WNK1: variants seen among roughly 807,000 people sequenced by gnomAD.
WNK1 encodes the protein WNK lysine deficient protein kinase 1.
Under a neutral mutation model 222.8 loss-of-function variants are expected in WNK1, and 38 were observed. The observed-to-expected ratio is 0.17, with a 90% CI of 0.13 to 0.22. The LOEUF is 0.22. Among genes scored for constraint, WNK1 ranks in the 10% least tolerant of loss-of-function variants. The pLI, the probability that WNK1 is intolerant of heterozygous loss-of-function variation, is 1.00. For missense variants in WNK1, 2,348 were observed against 2,918.4 expected, an observed-to-expected ratio of 0.80 and a Z score of 4.50; for synonymous variants, 1,090 against 1,092.9, an observed-to-expected ratio of 1.00 and a Z score of 0.05.
chr12:907,774 C>G (rs568136518), intron 26 of WNK1, 73 bp from the exon 27 acceptor site: 20 of 1,548,898 alleles, frequency 1.3e-5, no homozygotes, highest in Non-Finnish European at 1.7e-5. Flanking sequence ...TTCATCATCC[C>G]GTGAAGTTTT....
chr12:898,765 A>G (rs1419609535), intron 25 of WNK1, among the ~76,000 whole-genome samples: 2 of 151,072 alleles, frequency 1.3e-5, no homozygotes, highest in Non-Finnish European at 3.0e-5. Flanking sequence ...TTTGAGACAG[A>G]ATCCCGCTCT....
intron 8 of WNK1, among the ~76,000 whole-genome samples, chr12:867,177 A>G (rs1371358702): frequency 1.3e-5 from 2 of 152,174 alleles, no homozygotes; most frequent in African/African-American, 2.4e-5. Flanking sequence ...GATCAGAAAA[A>G]TGGACATTTT....
Position 857,223 on chromosome 12 carries a change from A to T in WNK1, c.1374A>T (p.Gly458=), listed in dbSNP as rs780465028. The T allele has an allele frequency of 1.9e-6, 3 of 1,614,214 alleles. No individual in the cohort carries two copies. In the South Asian group the frequency reaches 3.3e-5, roughly 18 times the overall value. The change falls in exon 5 of 28, where the codon GGA becomes GGT. Residue 458 remains glycine, a synonymous_variant. Coordinates refer to ENST00000315939, the MANE Select transcript of WNK1 (RefSeq NM_018979.4). ...AIPEVKEIIE[G]CIRQNKDERY... ...CTGAAGTGAAGGAAATTATTGAAGG[A>T]TGCATACGACAAAACAAAGATGAAA...
chr12:772,088 T>C (rs575769073), intron 1 of WNK1, among the ~76,000 whole-genome samples: 1 of 152,216 alleles, frequency 6.6e-6, no homozygotes, highest in East Asian at 1.9e-4. Flanking sequence ...ATTGTAACCA[T>C]CCTTAATTCA....
intron 1 of WNK1, among the ~76,000 whole-genome samples, chr12:776,408 GTGTT>G (rs1477831038): frequency 2.0e-5 from 2 of 98,144 alleles, no homozygotes; most frequent in African/African-American, 9.2e-5. Context: ...GTGTGTTTGT[GTGTT>G]TGTGTGTGTG....
At chr12:776,575 T>C (rs1199285877) in intron 1 of WNK1, among the ~76,000 whole-genome samples, 1 of 151,764 alleles carries the variant, frequency 6.6e-6, no homozygotes, top group Non-Finnish European at 1.5e-5. Flanking sequence ...GGACTACAGG[T>C]GCGTGCCACC....
chr12:860,924 T>A lies in WNK1; in HGVS notation c.1621-89T>A, dbSNP rs541241333. 3.2e-6 allele frequency: 4 copies of A among 1,232,006 alleles called. No individual in the cohort carries two copies. In the East Asian group the frequency reaches 9.7e-5, roughly 30 times the overall value. 76.3% of individuals were successfully genotyped at this position (1,232,006 alleles called of 1,614,324 possible). On this transcript the variant is annotated intron_variant, in intron 6 of 27. Coordinates refer to ENST00000315939, the MANE Select transcript of WNK1 (RefSeq NM_018979.4). ...CTCCTCTTCTCTACTTTTTTTACAA[T>A]GCCTTTTTTTTTTTTGGCGGGGGGT...
chr12:808,121 C>T (rs1307673454), intron 1 of WNK1, among the ~76,000 whole-genome samples: 4 of 148,140 alleles, frequency 2.7e-5, no homozygotes, highest in Non-Finnish European at 4.5e-5. Context: ...CCTGCAAGAC[C>T]TCACCTATAG....
At chr12:757,353 G>GGT (rs1565383276) in intron 1 of WNK1, among the ~76,000 whole-genome samples, 1 of 125,734 alleles carries the variant, frequency 8.0e-6, no homozygotes, top group South Asian at 2.6e-4. Context: ...AAGAGACGGA[G>GGT]TCTTGCTCTA....
chr12:894,189 G>T (rs1479713859), intron 22 of WNK1, among the ~76,000 whole-genome samples: 1 of 152,184 alleles, frequency 6.6e-6, no homozygotes, highest in Non-Finnish European at 1.5e-5. Flanking sequence ...CTGCACTCCA[G>T]CCTGGCCAAC....
In WNK1 at chr12:827,520, TTTG is replaced by T. The variant is rs67260587; in HGVS notation, c.1153+283_1153+285del. ...GATAAAACCTAATGTAATAGCCTTT[TTTG>T]TTGTTGTTGTTGTTGTTGTTGTTGA... On this transcript the variant is annotated intron_variant, in intron 3 of 27. Transcript: ENST00000315939. This position sits in a 1 kb window ranked among gnomAD's most constrained non-coding sequence, Gnocchi z 4.6. 0.66 allele frequency: 312,202 copies of T among 470,538 alleles called. 105,718 individuals are homozygous for T. Among genetic ancestry groups the T allele is most frequent in the East Asian group, 0.84 (23,211 of 27,616 alleles). 29.1% of individuals were successfully genotyped at this position (470,538 alleles called of 1,614,324 possible).
intron 2 of WNK1, among the ~76,000 whole-genome samples, chr12:823,279 T>G (rs1212606622): frequency 6.6e-6 from 1 of 152,194 alleles, no homozygotes; most frequent in Non-Finnish European, 1.5e-5. Context: ...GCATTTATCC[T>G]TAGAGTTTGT....
At position 753,449 on chromosome 12, in the gene WNK1, T is replaced by A; in HGVS notation, c.-117T>A. The A allele has an allele frequency of 7.2e-7, 1 of 1,387,062 alleles. No homozygotes were observed. The highest frequency in any genetic ancestry group is 2.0e-5 in the Admixed American group (1 of 49,166). 85.9% of individuals were successfully genotyped at this position (1,387,062 alleles called of 1,614,324 possible). ...GGTGCTGAGTGAGGCGTCGTCCGGG[T>A]CGGCGCGAACCCGCCCGGCCGCGGT... is the stretch of plus-strand genomic sequence containing the variant. On this transcript the variant is annotated 5_prime_UTR_variant, in exon 1 of 28. Transcript: ENST00000315939. This position sits in a 1 kb window ranked among gnomAD's most constrained non-coding sequence, Gnocchi z 5.2.
chr12:848,804 T>C (rs1043954836), intron 4 of WNK1, among the ~76,000 whole-genome samples: 1 of 152,298 alleles, frequency 6.6e-6, no homozygotes, highest in South Asian at 2.1e-4. Flanking sequence ...AATGGTACTT[T>C]TGTTGTAATA....
chr12:885,500 G>A lies in WNK1; in HGVS notation c.4696G>A (p.Gly1566Arg). 2 of 1,613,990 alleles carry A rather than the reference G, an allele frequency of 1.2e-6. No individual in the cohort carries two copies. Among genetic ancestry groups the A allele is most frequent in the Non-Finnish European group, 1.7e-6 (2 of 1,180,016 alleles). Reference sequence around the variant, plus strand: ...GTCTAGTTATATTTCTCAGCCTGGTGGGCTGCATCCTTTGGTCATTCCATC... The same window carrying A: ...GTCTAGTTATATTTCTCAGCCTGGTAGGCTGCATCCTTTGGTCATTCCATC... Reference protein sequence around the residue: ...GVSSYISQPGGLHPLVIPSVI... With the variant: ...GVSSYISQPGRLHPLVIPSVI... The change falls in exon 19 of 28, where the codon GGG becomes AGG. Residue 1566 changes from glycine to arginine, a missense_variant. By Grantham distance (125) the Gly-to-Arg change is moderately radical. Coordinates refer to ENST00000315939, the MANE Select transcript of WNK1 (RefSeq NM_018979.4).
Position 890,466 on chromosome 12 carries a change from C to T in WNK1, c.5462C>T (p.Ala1821Val), listed in dbSNP as rs371264719. ...TGTGTTTTACAGCCTGTGTCCATGG[C>T]GGCTCCAACAGCAATCACAGAAGCA... is the stretch of plus-strand genomic sequence containing the variant. ...VTSAVGPVSM[A>V]APTAITEAGT... The change falls in exon 22 of 28, where the codon GCG becomes GTG. Residue 1821 changes from alanine to valine, a missense_variant. By Grantham distance (64) the Ala-to-Val change is moderately conservative. Transcript: ENST00000315939. 21 of 1,613,930 alleles carry T rather than the reference C, an allele frequency of 1.3e-5. No individual in the cohort carries two copies. The highest frequency in any genetic ancestry group is 8.0e-5 in the African/African-American group (6 of 74,902).
chr12:902,693 T>C (rs1955368684), intron 26 of WNK1, among the ~76,000 whole-genome samples: 1 of 152,120 alleles, frequency 6.6e-6, no homozygotes, highest in African/African-American at 2.4e-5. Flanking sequence ...ATATGTGAAA[T>C]GGAGATGATG....
chr12:875,939 A>G (rs1219225576), intron 9 of WNK1, among the ~76,000 whole-genome samples: 1 of 152,212 alleles, frequency 6.6e-6, no homozygotes, highest in African/African-American at 2.4e-5. Flanking sequence ...CAAGTTGGCA[A>G]ATAAAAAAGG....
intron 21 of WNK1, 107 bp from the exon 22 acceptor site, chr12:890,346 A>G (rs2154089972): frequency 9.3e-7 from 1 of 1,080,036 alleles, no homozygotes; most frequent in Non-Finnish European, 1.4e-6. Flanking sequence ...TTCATCACAT[A>G]TACTGTCTTT....
Sources: gnomAD v4.1 joint callset for allele counts (sites outside exome capture counted in the v4.1 genomes callset) on GRCh38, gnomAD v4.1.1 for gene constraint, Gnocchi (gnomAD v3.1) non-coding constraint, MANE v1.5 for transcripts, NCBI Gene and HGNC (gene_info 2026-07-23, HGNC 2026-07-21) for gene names.